Variants in ADAMTS9 observed in about 807,000 individuals in gnomAD.
ADAMTS9 encodes ADAM metallopeptidase with thrombospondin type 1 motif 9, also known as A disintegrin and metalloproteinase with thrombospondin motifs 9.
In ADAMTS9, 107 loss-of-function variants were observed where a neutral mutation model predicts 257.1. That is an observed-to-expected ratio of 0.42 (90% CI 0.36 to 0.49). ADAMTS9 has a LOEUF of 0.49. Among genes scored for constraint, ADAMTS9 ranks in the 20% least tolerant of loss-of-function variants. The pLI is 0.03. For missense variants in ADAMTS9, 2,353 were observed against 2,469.1 expected (o/e 0.95, Z 1.00); for synonymous variants, 982 against 880.9 (o/e 1.11, Z -2.03).
rs531595671 is a variant in ADAMTS9, at chr3:64,564,591, C to T, written c.4525-2840G>A. ...AGTATATGCTAGTATACTGAGGTTT[C>T]TCAATTAAATAATTCTTTTTTGTGT... On this transcript the variant is annotated intron_variant, in intron 29 of 39. Transcript: ENST00000498707. Among the ~76,000 whole-genome samples the T allele has an allele frequency of 3.2e-4, 49 of 151,752 alleles. 1 individual carries two copies. Among genetic ancestry groups the T allele is most frequent in the African/African-American group, 1.2e-3 (49 of 41,096 alleles).
In ADAMTS9 at chr3:64,597,112, A is replaced by G. The variant is rs570299399; in HGVS notation, c.4018-121T>C. The stretch of plus-strand genomic sequence containing the variant: ...AGCATTCTCAAGTCATCCACGAAGG[A>G]CAAAAAGCAATCAGGAAAACCCAAG... On this transcript the variant is annotated intron_variant, in intron 26 of 39. Coordinates refer to ENST00000498707, the MANE Select transcript of ADAMTS9 (RefSeq NM_182920.2). 9 of 1,348,528 alleles carry G rather than the reference A, an allele frequency of 6.7e-6. No individual in the cohort carries two copies. In the African/African-American group the frequency reaches 8.7e-5, roughly 13 times the overall value. 83.5% of individuals were successfully genotyped at this position (1,348,528 alleles called of 1,614,324 possible). A position where few individuals can be genotyped will look rare whatever the true frequency, so the allele number is the denominator to read the frequency against.
intron 33 of ADAMTS9, 55 bp downstream of exon 33, chr3:64,541,783 C>A: frequency 6.2e-7 from 1 of 1,601,860 alleles, no homozygotes; most frequent in Non-Finnish European, 8.5e-7. Flanking sequence ...ATCAAATGAA[C>A]AAAGACATCC....
Position 64,622,446 on chromosome 3 carries a change from G to C in ADAMTS9, c.2530C>G (p.Arg844Gly). Residue 844 changes from arginine (R) to glycine (G), a missense_variant, in exon 17 of 40, where the codon CGC becomes GGC. Arg to Gly is a moderately radical substitution (Grantham distance 125, BLOSUM62 -2). Transcript: ENST00000498707. The part of the protein sequence containing the change: ...TAVERINSTD[R>G]IEQELLLQVL... ...TGAAGCAAAAGTTCTTGCTCAATGC[G>C]ATCTGTTGAGTTAATTCTTTCTACG... The C allele has an allele frequency of 3.7e-6, 6 of 1,613,956 alleles. No homozygotes were observed. Among genetic ancestry groups the C allele is most frequent in the Non-Finnish European group, 4.2e-6 (5 of 1,179,970 alleles).
intron 12 of ADAMTS9, among the ~76,000 whole-genome samples, chr3:64,634,554 T>A (rs759569741): frequency 2.2e-4 from 33 of 152,220 alleles, no homozygotes; most frequent in Non-Finnish European, 2.4e-4. Flanking sequence ...TTGCAAAGCA[T>A]CACAGTGCAA....
Position 64,541,567 on chromosome 3 carries a change from C to T in ADAMTS9, c.5251G>A (p.Asp1751Asn). The change falls in exon 34 of 40, where the codon GAT becomes AAT. Residue 1751 changes from aspartate (D) to asparagine (N), a missense_variant. Around this residue, in one of 3 missense-constraint regions of ADAMTS9, gnomAD observed 1,402 missense variants for 1,441.4 expected, o/e 0.97. Coordinates refer to ENST00000498707, the MANE Select transcript of ADAMTS9 (RefSeq NM_182920.2). ...EVKRLKGASEDGEYFLMIRGK... is the reference protein window; with the variant it reads ...EVKRLKGASENGEYFLMIRGK... The stretch of plus-strand genomic sequence containing the variant: ...CTAATCATCAGGAAATATTCACCAT[C>T]TTCACTGGCACCTTTAAGTCTTTTT... The T allele has an allele frequency of 6.2e-7, 1 of 1,614,174 alleles. No homozygotes were observed.
intron 23 of ADAMTS9, 69 bp downstream of exon 23, chr3:64,606,891 C>G: frequency 6.3e-7 from 1 of 1,586,736 alleles, no homozygotes. Context: ...TCAATTTTGT[C>G]TAAACAGCTG....
intron 32 of ADAMTS9, among the ~76,000 whole-genome samples, chr3:64,545,597 G>A (rs368402783): frequency 2.6e-5 from 4 of 151,994 alleles, no homozygotes; most frequent in African/African-American, 4.8e-5. Context: ...ATCACATACC[G>A]GGGCCTGTCA....
At chr3:64,562,571 G>A (rs2083446364) in intron 29 of ADAMTS9, among the ~76,000 whole-genome samples, 1 of 152,104 alleles carries the variant, frequency 6.6e-6, no homozygotes, top group Non-Finnish European at 1.5e-5. Flanking sequence ...CTTGATTAAG[G>A]TTTTGACAGC....
At chr3:64,640,087 G>T (rs746858591) in intron 12 of ADAMTS9, among the ~76,000 whole-genome samples, 4 of 152,054 alleles carry the variant, frequency 2.6e-5, no homozygotes, top group Admixed American at 6.6e-5. Context: ...CAAAATATAG[G>T]CTATATAGAA....
chr3:64,597,333 C>T (rs373358615), intron 26 of ADAMTS9, among the ~76,000 whole-genome samples: 65 of 152,232 alleles, frequency 4.3e-4, no homozygotes, highest in African/African-American at 1.5e-3. Flanking sequence ...TTGATGGACA[C>T]GACAGTTAAT....
chr3:64,679,313 A>G (rs971742399), intron 3 of ADAMTS9, among the ~76,000 whole-genome samples: 1 of 152,176 alleles, frequency 6.6e-6, no homozygotes, highest in Non-Finnish European at 1.5e-5. Context: ...AGACTCCTGC[A>G]CAGAGAAAAT....
chr3:64,673,623 T>G (rs574304964), intron 3 of ADAMTS9, among the ~76,000 whole-genome samples: 2 of 152,222 alleles, frequency 1.3e-5, no homozygotes, highest in South Asian at 4.2e-4. Flanking sequence ...TTGGGGACAA[T>G]GAGAAAAATT....
chr3:64,523,398 G>A (rs965136891), intron 38 of ADAMTS9, among the ~76,000 whole-genome samples: 2 of 152,156 alleles, frequency 1.3e-5, no homozygotes, highest in Non-Finnish European at 2.9e-5. Context: ...AGTGGAACTA[G>A]TGGAATAGTG....
intron 21 of ADAMTS9, 48 bp downstream of exon 21, chr3:64,615,273 T>C (rs375993047): frequency 3.3e-5 from 53 of 1,592,722 alleles, no homozygotes; most frequent in Middle Eastern, 3.4e-4. Flanking sequence ...GCACCAGAAC[T>C]AGAATGTAAG....
intron 28 of ADAMTS9, among the ~76,000 whole-genome samples, chr3:64,578,764 A>C (rs2083921266): frequency 6.6e-6 from 1 of 152,110 alleles, no homozygotes; most frequent in Non-Finnish European, 1.5e-5. Context: ...AGTCCATAAA[A>C]CGGGAGTCAT....
intron 11 of ADAMTS9, among the ~76,000 whole-genome samples, chr3:64,643,451 T>A (rs2106927012): frequency 7.8e-6 from 1 of 128,654 alleles, no homozygotes; most frequent in South Asian, 2.7e-4. Context: ...AATAATTTTT[T>A]TTTTTTTTTT....
At chr3:64,527,343 T>G (rs2082922826) in intron 38 of ADAMTS9, among the ~76,000 whole-genome samples, 1 of 152,196 alleles carries the variant, frequency 6.6e-6, no homozygotes, top group Non-Finnish European at 1.5e-5. Flanking sequence ...TTCTATTTTT[T>G]TCAATCTATA....
intron 37 of ADAMTS9, among the ~76,000 whole-genome samples, chr3:64,537,457 T>C (rs1178779015): frequency 1.3e-5 from 2 of 152,220 alleles, no homozygotes; most frequent in Non-Finnish European, 2.9e-5. Context: ...AGTTTTTGAT[T>C]CCTGGGTAAT....
chr3:64,642,277 G>C (rs1267327928), intron 11 of ADAMTS9, among the ~76,000 whole-genome samples: 1 of 152,114 alleles, frequency 6.6e-6, no homozygotes, highest in African/African-American at 2.4e-5. Flanking sequence ...CACTCAATTA[G>C]TTTACTTGGA....
Sources: allele counts gnomAD v4.1 joint callset (sites outside exome capture counted in the v4.1 genomes callset), GRCh38; gene constraint gnomAD v4.1.1; regional missense constraint gnomAD v4.1.1; transcripts MANE v1.5; gene names NCBI Gene and HGNC (gene_info 2026-07-23, HGNC 2026-07-21).